FH: variants seen among roughly 807,000 people sequenced by gnomAD.
FH encodes fumarate hydratase.
A neutral mutation model predicts 49.4 loss-of-function variants in FH; 22 were observed. The ratio of observed to expected loss-of-function variants is 0.45; its 90% CI spans 0.32 to 0.64. The LOEUF is 0.64. FH is among the 30% of genes least tolerant of loss of function. The pLI, the probability that FH is intolerant of heterozygous loss-of-function variation, is 0.05. For missense variants in FH, 526 were observed against 641.5 expected (o/e 0.82, Z 1.95); for synonymous variants, 208 against 223.0 (o/e 0.93, Z 0.60).
In FH at chr1:241,517,241, C is replaced by T. The variant is rs587782207; in HGVS notation, c.208G>A (p.Ala70Thr). The change falls in exon 2 of 10, where the codon GCC (alanine) becomes ACC (threonine). Residue 70 changes from alanine to threonine, a missense_variant. Transcript: ENST00000366560. ...LKVPNDKYYG[A>T]QTVRSTMNFK... is the part of the protein sequence containing the mutation. ...TTCATCGTAGATCTCACGGTCTGGGCGCCATAATACTTATCATTTGGCACC... is the reference window on the plus strand; with the variant it reads ...TTCATCGTAGATCTCACGGTCTGGGTGCCATAATACTTATCATTTGGCACC... The T allele has an allele frequency of 3.5e-5, 57 of 1,613,908 alleles. No individual in the cohort carries two copies. The highest frequency in any genetic ancestry group is 7.7e-5 in the South Asian group (7 of 91,066).
chr1:241,518,697 T>C (rs1296425946), intron 1 of FH, among the ~76,000 whole-genome samples: 1 of 152,256 alleles, frequency 6.6e-6, no homozygotes, highest in African/African-American at 2.4e-5. Context: ...AACCTCATGC[T>C]ACACCAGTGC....
chr1:241,505,313 T>G (rs1573881185), intron 6 of FH, among the ~76,000 whole-genome samples: 1 of 152,206 alleles, frequency 6.6e-6, no homozygotes, highest in African/African-American at 2.4e-5. Context: ...TGTGCTAAAA[T>G]GAGTTAGATG....
intron 2 of FH, 83 bp from the exon 3 acceptor site, chr1:241,513,796 T>C (rs1463163178): frequency 1.9e-6 from 2 of 1,038,576 alleles, no homozygotes; most frequent in Non-Finnish European, 3.0e-6. Context: ...GCAAAAGCTA[T>C]ACATAAAACA....
At position 241,497,754 on chromosome 1, in the gene FH, AT is replaced by A. The variant is rs1183889168; in HGVS notation, c.*73del. 2 of 1,377,004 alleles carry A rather than the reference AT, an allele frequency of 1.5e-6. No individual in the cohort carries two copies. Among genetic ancestry groups the A allele is most frequent in the African/African-American group, 2.9e-5 (2 of 69,172 alleles). 85.3% of individuals were successfully genotyped at this position (1,377,004 alleles called of 1,614,324 possible). ...TCAATAGCAGTTTCCTTTCAAACTT[AT>A]CCGTTTTTAAGAAATGGGAGTCTGT... On this transcript the variant is annotated 3_prime_UTR_variant, in exon 10 of 10. Transcript: ENST00000366560.
chr1:241,498,694 C>CATAT lies in FH; in HGVS notation c.1391-728_1391-725dup, dbSNP rs56361117. Reference sequence around the variant, plus strand: ...AGGGCAGTTCTGCAAGCTGTCTTAACATATATATATATATATATATATATA... The same window carrying CATAT: ...AGGGCAGTTCTGCAAGCTGTCTTAACATATATATATATATATATATATATATATA... On this transcript the variant is annotated intron_variant, in intron 9 of 9. Transcript: ENST00000366560. Among the ~76,000 whole-genome samples, 294 of 53,086 alleles carry CATAT rather than the reference C, an allele frequency of 5.5e-3. 8 individuals are homozygous for CATAT. Among genetic ancestry groups the CATAT allele is most frequent in the Non-Finnish European group, 6.8e-3 (191 of 27,950 alleles). The allele number at this position is 53,086 out of a possible 152,430, so 34.8% of individuals were successfully genotyped here.
chr1:241,507,825 T>C (rs536079080), intron 5 of FH, among the ~76,000 whole-genome samples: 1 of 152,334 alleles, frequency 6.6e-6, no homozygotes, highest in South Asian at 2.1e-4. Flanking sequence ...TCATTTGTTT[T>C]TCAATTACTC....
At chr1:241,503,417 C>A (rs145989445) in intron 7 of FH, among the ~76,000 whole-genome samples, 1 of 152,194 alleles carries the variant, frequency 6.6e-6, no homozygotes, top group African/African-American at 2.4e-5. Flanking sequence ...TTCTGTCATC[C>A]ATAGTATTGC....
intron 4 of FH, among the ~76,000 whole-genome samples, chr1:241,511,426 G>T (rs191095989): frequency 6.6e-6 from 1 of 152,240 alleles, no homozygotes; most frequent in East Asian, 1.9e-4. Flanking sequence ...TGAGACAATC[G>T]CAAAAGACCA....
chr1:241,510,058 T>G (rs1660044119), intron 4 of FH, among the ~76,000 whole-genome samples: 1 of 152,152 alleles, frequency 6.6e-6, no homozygotes, highest in African/African-American at 2.4e-5. Flanking sequence ...GACTTCAGAC[T>G]TCAGTATATA....
chr1:241,509,948 A>G (rs1235447004), intron 4 of FH, among the ~76,000 whole-genome samples: 1 of 152,244 alleles, frequency 6.6e-6, no homozygotes, highest in African/African-American at 2.4e-5. Flanking sequence ...TGAATGGTAT[A>G]ATAAACACTT....
intron 1 of FH, chr1:241,519,362 GCCCCC>G: frequency 1.9e-6 from 1 of 530,982 alleles, no homozygotes; most frequent in Non-Finnish European, 3.2e-6. Flanking sequence ...CTCTCTGACA[GCCCCC>G]GTCCCTCCCC....
At chr1:241,519,474 C>G in intron 1 of FH, 117 bp downstream of exon 1, 1 of 1,305,844 alleles carries the variant, frequency 7.7e-7, no homozygotes. Context: ...AGCCCAGAGT[C>G]TGGCGCGGCC....
At chr1:241,502,899 T>TG in intron 7 of FH, among the ~76,000 whole-genome samples, 1 of 152,318 alleles carries the variant, frequency 6.6e-6, no homozygotes, top group East Asian at 1.9e-4. Flanking sequence ...TCGCAGAACT[T>TG]GGAGGCTAGG....
intron 6 of FH, among the ~76,000 whole-genome samples, chr1:241,505,108 G>A (rs764990282): frequency 2.0e-5 from 3 of 151,600 alleles, no homozygotes; most frequent in Non-Finnish European, 4.4e-5. Context: ...ACAGGGTTTC[G>A]CCATGTTGAC....
At chr1:241,506,936 T>C (rs1348572329) in intron 5 of FH, among the ~76,000 whole-genome samples, 1 of 152,176 alleles carries the variant, frequency 6.6e-6, no homozygotes, top group Non-Finnish European at 1.5e-5. Context: ...ATGGTTACAC[T>C]AAATCTATCC....
chr1:241,518,906 A>C (rs1434852581), intron 1 of FH, among the ~76,000 whole-genome samples: 2 of 152,226 alleles, frequency 1.3e-5, no homozygotes, highest in Non-Finnish European at 2.9e-5. Context: ...TTCAGCTCCT[A>C]GCCAATCTGC....
intron 6 of FH, 26 bp downstream of exon 6, chr1:241,505,977 G>C: frequency 6.2e-7 from 1 of 1,610,064 alleles, no homozygotes; most frequent in Non-Finnish European, 8.5e-7. Context: ...AAATGAAAAT[G>C]AGAAATAATT....
intron 5 of FH, among the ~76,000 whole-genome samples, chr1:241,507,772 G>A (rs1231715701): frequency 6.6e-6 from 1 of 152,124 alleles, no homozygotes; most frequent in East Asian, 1.9e-4. Context: ...ATGAGACACA[G>A]CCTTAAGAAG....
chr1:241,506,257 A>G (rs1312981751), intron 5 of FH, 89 bp from the exon 6 acceptor site: 2 of 1,000,258 alleles, frequency 2.0e-6, no homozygotes, highest in Non-Finnish European at 3.0e-6. Flanking sequence ...ATTTTTAAAA[A>G]TACCTTTCAG....
Sources: allele counts gnomAD v4.1 joint callset (sites outside exome capture counted in the v4.1 genomes callset), GRCh38; gene constraint gnomAD v4.1.1; transcripts MANE v1.5; gene names NCBI Gene and HGNC (gene_info 2026-07-23, HGNC 2026-07-21).